WDR35: variants seen among roughly 807,000 people sequenced by gnomAD.
WDR35 encodes WD repeat domain 35, also known as WD repeat-containing protein 35.
A neutral mutation model predicts 158.3 loss-of-function variants in WDR35; 118 were observed. The ratio of observed to expected loss-of-function variants is 0.75; its 90% CI spans 0.64 to 0.87. The LOEUF (loss-of-function observed/expected upper bound fraction) is 0.87, where lower values mean the gene tolerates loss of function less well. Ranked by LOEUF, WDR35 falls within the 40% of genes least tolerant of loss-of-function variation. The pLI, the probability that WDR35 is intolerant of heterozygous loss-of-function variation, is 0.00. For synonymous variants in WDR35, 448 were observed against 476.1 expected (o/e 0.94, Z 0.77); for missense variants, 1,263 against 1,405.8 (o/e 0.90, Z 1.62).
chr2:19,952,806 T>TG (rs35020837), intron 12 of WDR35, among the ~76,000 whole-genome samples: 10 of 146,504 alleles, frequency 6.8e-5, no homozygotes, highest in Non-Finnish European at 1.4e-4. Context: ...TTTTTTTTTT[T>TG]GAGACGGAGT....
intron 25 of WDR35, among the ~76,000 whole-genome samples, chr2:19,929,534 T>C (rs1388258192): frequency 6.6e-6 from 1 of 152,202 alleles, no homozygotes; most frequent in East Asian, 1.9e-4. Context: ...ATAATTATCA[T>C]AATTACACTC....
intron 25 of WDR35, among the ~76,000 whole-genome samples, chr2:19,925,911 A>G (rs539913700): frequency 2.6e-5 from 4 of 152,356 alleles, no homozygotes; most frequent in African/African-American, 9.6e-5. Flanking sequence ...CTCATTGTTA[A>G]GCCTCTAGAA....
chr2:19,972,958 T>G (rs1672077139), intron 8 of WDR35, among the ~76,000 whole-genome samples: 1 of 152,104 alleles, frequency 6.6e-6, no homozygotes, highest in South Asian at 2.1e-4. Flanking sequence ...CATTTTCCAA[T>G]GCTACTTCTG....
chr2:19,970,223 G>C (rs1223397374), intron 8 of WDR35, among the ~76,000 whole-genome samples: 3 of 152,084 alleles, frequency 2.0e-5, no homozygotes, highest in South Asian at 2.1e-4. Context: ...TGGCAACTTT[G>C]ATTATAAGAT....
chr2:19,948,245 T>G (rs1462745346), intron 13 of WDR35, 28 bp from the exon 14 acceptor site: 3 of 1,594,840 alleles, frequency 1.9e-6, no homozygotes, highest in Non-Finnish European at 2.6e-6. Context: ...ATCATTACTA[T>G]TCAACAAACA....
Position 19,932,366 on chromosome 2 carries a change from G to A in WDR35, c.2740C>T (p.Leu914=). ...SLLARYASHL[L]EKNKTLDAIE... is the part of the protein sequence containing the mutation. The stretch of plus-strand genomic sequence containing the variant: ...GCATCAAGAGTTTTATTCTTTTCCA[G>A]TAAATGAGATGCATACCTAGCTAAC... The change falls in exon 23 of 27, where the codon CTG becomes TTG. Residue 914 remains leucine (L), a synonymous_variant. Coordinates refer to ENST00000281405, the MANE Select transcript of WDR35 (RefSeq NM_020779.4). The A allele has an allele frequency of 6.2e-7, 1 of 1,613,236 alleles. No individual in the cohort carries two copies. Among genetic ancestry groups the A allele is most frequent in the Non-Finnish European group, 8.5e-7 (1 of 1,179,536 alleles).
chr2:19,981,370 A>G (rs1010398245), intron 3 of WDR35, among the ~76,000 whole-genome samples: 1 of 152,212 alleles, frequency 6.6e-6, no homozygotes, highest in African/African-American at 2.4e-5. Flanking sequence ...TAGGAAGTTT[A>G]ACACTGATAT....
At chr2:19,960,821 A>G (rs913864249) in intron 10 of WDR35, among the ~76,000 whole-genome samples, 8 of 152,240 alleles carry the variant, frequency 5.3e-5, no homozygotes, top group African/African-American at 1.9e-4. Flanking sequence ...TACTAAACCA[A>G]GGCTGCTTTC....
At chr2:19,933,062 T>C (rs1670572478) in intron 22 of WDR35, among the ~76,000 whole-genome samples, 1 of 152,186 alleles carries the variant, frequency 6.6e-6, no homozygotes, top group Non-Finnish European at 1.5e-5. Flanking sequence ...GGTCCTTCTT[T>C]GGAAACAAAA....
intron 13 of WDR35, among the ~76,000 whole-genome samples, chr2:19,951,197 A>C (rs1280204223): frequency 6.6e-6 from 1 of 152,168 alleles, no homozygotes; most frequent in Non-Finnish European, 1.5e-5. Flanking sequence ...CGCTTTTCTA[A>C]GTAGTATATT....
chr2:19,914,668 GT>G (rs1403736701), intron 25 of WDR35, among the ~76,000 whole-genome samples: 2 of 151,976 alleles, frequency 1.3e-5, no homozygotes, highest in Non-Finnish European at 2.9e-5. Flanking sequence ...ATAATACCAT[GT>G]TTCCTTTTGT....
At chr2:19,953,377 A>C (rs1671312232) in intron 12 of WDR35, among the ~76,000 whole-genome samples, 1 of 152,154 alleles carries the variant, frequency 6.6e-6, no homozygotes, top group South Asian at 2.1e-4. Context: ...CTAAGTCCCC[A>C]GTTCACCCCA....
chr2:19,973,627 A>C lies in WDR35; in HGVS notation c.818T>G (p.Phe273Cys), dbSNP rs1672098451. ...HMGSVLAVAG[F>C]QKAAMQDKDV... ...TTTGTCCTGCATGGCTGCCTTCTGG[A>C]AGCCTGCCACAGCTAACACGCTGCC... Residue 273 changes from phenylalanine to cysteine, a missense_variant, in exon 8 of 27, where the codon TTC (phenylalanine) becomes TGC (cysteine). Coordinates refer to ENST00000281405, the MANE Select transcript of WDR35 (RefSeq NM_020779.4). The C allele has an allele frequency of 1.2e-6, 2 of 1,614,218 alleles. No homozygotes were observed. The highest frequency in any genetic ancestry group is 1.7e-6 in the Non-Finnish European group (2 of 1,180,042).
chr2:19,930,037 A>G (rs1285284969), intron 25 of WDR35, among the ~76,000 whole-genome samples: 1 of 150,144 alleles, frequency 6.7e-6, no homozygotes, highest in African/African-American at 2.4e-5. Flanking sequence ...TATGTATTAA[A>G]TATATTTTAT....
chr2:19,928,558 T>C (rs967060912), intron 25 of WDR35, among the ~76,000 whole-genome samples: 9 of 152,194 alleles, frequency 5.9e-5, no homozygotes, highest in African/African-American at 2.2e-4. Flanking sequence ...AAACCTAATA[T>C]ATGGTTTCAG....
chr2:19,932,220 C>T (rs1025047733), intron 23 of WDR35, 63 bp downstream of exon 23: 65 of 1,598,068 alleles, frequency 4.1e-5, no homozygotes, highest in Non-Finnish European at 5.5e-5. Context: ...AGAATATGCT[C>T]TTTCATATAT....
intron 16 of WDR35, 133 bp from the exon 17 acceptor site, chr2:19,941,972 AT>A: frequency 3.2e-6 from 2 of 618,524 alleles, no homozygotes; most frequent in Non-Finnish European, 5.8e-6. Context: ...CCATATACCC[AT>A]AACCTAAATA....
At chr2:19,932,865 GA>G (rs1670566545) in intron 22 of WDR35, among the ~76,000 whole-genome samples, 2 of 151,902 alleles carry the variant, frequency 1.3e-5, no homozygotes, top group African/African-American at 2.4e-5. Flanking sequence ...TAAAAAATAA[GA>G]AAAATATTAA....
intron 17 of WDR35, among the ~76,000 whole-genome samples, chr2:19,939,022 T>C (rs1670789697): frequency 6.6e-6 from 1 of 152,142 alleles, no homozygotes; most frequent in Non-Finnish European, 1.5e-5. Context: ...TCTAAAAAAC[T>C]TCACAAAATT....
Sources: gnomAD v4.1 joint callset for allele counts (sites outside exome capture counted in the v4.1 genomes callset) on GRCh38, gnomAD v4.1.1 for gene constraint, MANE v1.5 for transcripts, NCBI Gene and HGNC (gene_info 2026-07-23, HGNC 2026-07-21) for gene names.